The following NRXN1 variants were observed in gnomAD, a reference collection of about 807,000 sequenced individuals.
NRXN1 encodes neurexin-1.
NRXN1 carries 39 observed loss-of-function variants against 150.9 expected under a neutral mutation model. The ratio of observed to expected loss-of-function variants is 0.26; its 90% confidence interval spans 0.20 to 0.34. The LOEUF (loss-of-function observed/expected upper bound fraction) is 0.34. NRXN1 is among the 10% of genes least tolerant of loss of function. The pLI is 1.00. For missense variants in NRXN1, 1,815 were observed against 1,949.9 expected, an observed-to-expected ratio of 0.93 and a Z score of 1.30; for synonymous variants, 924 against 757.0, an observed-to-expected ratio of 1.22 and a Z score of -3.62.
chr2:50,500,275 A>G (rs868031228), intron 13 of NRXN1, among the ~76,000 whole-genome samples: 1 of 152,180 alleles, frequency 6.6e-6, no homozygotes, highest in African/African-American at 2.4e-5. Flanking sequence ...AAGGAATAGA[A>G]TATGCACACA....
At chr2:50,496,568 G>C (rs764549009) in intron 14 of NRXN1, among the ~76,000 whole-genome samples, 1 of 152,150 alleles carries the variant, frequency 6.6e-6, no homozygotes, top group Non-Finnish European at 1.5e-5. Flanking sequence ...TTTACCTGAA[G>C]AGTCTCCTGA....
rs1553368961 is a variant in NRXN1, at chr2:50,278,317, T to TTA, written c.3365-41349_3365-41348dup. Among the ~76,000 whole-genome samples the TTA allele has an allele frequency of 9.0e-3, 1,118 of 124,070 alleles. 24 individuals are homozygous for TTA. The highest frequency in any genetic ancestry group is 0.032 in the African/African-American group (1,017 of 31,798). 81.4% of individuals were successfully genotyped at this position (124,070 alleles called of 152,430 possible). A position where few individuals can be genotyped will look rare whatever the true frequency, so the allele number is the denominator to read the frequency against. On this transcript the variant is annotated intron_variant, in intron 17 of 22. Coordinates refer to ENST00000401669, the MANE Select transcript of NRXN1 (RefSeq NM_001330078.2). Reference sequence around the variant, plus strand: ...ATATAATATATATTTTATATATATATTATATATATATATATTTAGTAGAGA... The same window carrying TTA: ...ATATAATATATATTTTATATATATATTATATATATATATATATTTAGTAGAGA...
intron 21 of NRXN1, among the ~76,000 whole-genome samples, chr2:49,977,792 G>T (rs1004388033): frequency 6.6e-6 from 1 of 152,200 alleles, no homozygotes; most frequent in Non-Finnish European, 1.5e-5. Context: ...AAGAATTAAA[G>T]TGAGAAATTA....
chr2:50,481,922 C>T (rs926103451), intron 15 of NRXN1, among the ~76,000 whole-genome samples: 5 of 145,562 alleles, frequency 3.4e-5, no homozygotes, highest in Admixed American at 6.7e-5. Context: ...CCCGCCACTA[C>T]GCCCGGCTAA....
chr2:50,667,491 T>C (rs1347383861), intron 5 of NRXN1, among the ~76,000 whole-genome samples: 1 of 151,962 alleles, frequency 6.6e-6, no homozygotes, highest in Non-Finnish European at 1.5e-5. Flanking sequence ...AGTAATGATA[T>C]GTTACTGGGC....
At chr2:49,947,656 A>G (rs1398980861) in intron 21 of NRXN1, among the ~76,000 whole-genome samples, 2 of 150,942 alleles carry the variant, frequency 1.3e-5, no homozygotes, top group African/African-American at 4.9e-5. Context: ...GCTACCACAC[A>G]ATGCCTAAAT....
chr2:49,928,006 G>A (rs1211344230), intron 22 of NRXN1, among the ~76,000 whole-genome samples: 2 of 151,900 alleles, frequency 1.3e-5, no homozygotes, highest in Non-Finnish European at 2.9e-5. Context: ...GCACACCAAG[G>A]ATAAAGTAAG....
chr2:50,682,756 C>T (rs1232925357), intron 5 of NRXN1, among the ~76,000 whole-genome samples: 4 of 152,004 alleles, frequency 2.6e-5, no homozygotes, highest in African/African-American at 9.7e-5. Context: ...CAGTACGTGT[C>T]ACATTCTAAA....
intron 18 of NRXN1, among the ~76,000 whole-genome samples, chr2:50,233,200 C>T (rs1286215960): frequency 6.6e-6 from 1 of 151,988 alleles, no homozygotes; most frequent in Non-Finnish European, 1.5e-5. Context: ...AATTGCTCTT[C>T]ACTTCATGTC....
chr2:50,497,732 A>G lies in NRXN1; in HGVS notation c.2498-18T>C. ...CATTTGACCTAAAAGAGAAGATAAT[A>G]TATGATTATTTTCTGTATCTGAAAG... On this transcript the variant is annotated intron_variant, in intron 13 of 22. Coordinates refer to ENST00000401669, the MANE Select transcript of NRXN1 (RefSeq NM_001330078.2). The G allele has an allele frequency of 6.3e-7, 1 of 1,576,574 alleles. No individual in the cohort carries two copies. The highest frequency in any genetic ancestry group is 8.6e-7 in the Non-Finnish European group (1 of 1,160,626).
At chr2:50,368,149 ATGT>A (rs1483396159) in intron 17 of NRXN1, among the ~76,000 whole-genome samples, 1 of 151,964 alleles carries the variant, frequency 6.6e-6, no homozygotes, top group Non-Finnish European at 1.5e-5. Flanking sequence ...TTTTGTGCAC[ATGT>A]TGTTCATGCA....
In NRXN1 at chr2:50,758,841, T is replaced by C. The variant is rs558680978; in HGVS notation, c.833-135226A>G. ...AATCACAATGCTACTGCTTCCAGGA[T>C]GACCAGGTAATGAGTGTGGTCTATC... On this transcript the variant is annotated intron_variant, in intron 5 of 22. Coordinates refer to ENST00000401669, the MANE Select transcript of NRXN1 (RefSeq NM_001330078.2). 7.2e-5 allele frequency among the ~76,000 whole-genome samples: 11 copies of C among 152,044 alleles called. No homozygotes were observed. In the South Asian group the frequency reaches 2.3e-3, roughly 32 times the overall value.
chr2:50,429,947 A>G (rs2084819718), intron 17 of NRXN1, among the ~76,000 whole-genome samples: 1 of 152,146 alleles, frequency 6.6e-6, no homozygotes, highest in South Asian at 2.1e-4. Context: ...AATTGCATTG[A>G]TTTACATATT....
intron 17 of NRXN1, among the ~76,000 whole-genome samples, chr2:50,463,448 G>A (rs1321662384): frequency 2.0e-5 from 3 of 151,734 alleles, no homozygotes; most frequent in Non-Finnish European, 4.4e-5. Flanking sequence ...TAATCAAAAT[G>A]CATGTATTCT....
chr2:50,534,674 T>A (rs1377661193), intron 10 of NRXN1, among the ~76,000 whole-genome samples: 2 of 152,208 alleles, frequency 1.3e-5, no homozygotes, highest in Admixed American at 1.3e-4. Flanking sequence ...GTAAAAGTCA[T>A]TATCATGTGT....
At chr2:50,259,260 T>C (rs1042597842) in intron 17 of NRXN1, among the ~76,000 whole-genome samples, 5 of 151,962 alleles carry the variant, frequency 3.3e-5, no homozygotes, top group Non-Finnish European at 7.4e-5. Flanking sequence ...TAGTCAACTT[T>C]ATCAAATTTT....
chr2:50,472,548 CA>C, intron 15 of NRXN1, 77 bp from the exon 16 acceptor site: 1 of 1,136,072 alleles, frequency 8.8e-7, no homozygotes, highest in Non-Finnish European at 1.2e-6. Context: ...GGAGAAAAAA[CA>C]GGGAGGTTTA....
At chr2:50,548,524 C>T (rs1420232890) in intron 9 of NRXN1, among the ~76,000 whole-genome samples, 8 of 151,966 alleles carry the variant, frequency 5.3e-5, no homozygotes, top group South Asian at 4.1e-4. Flanking sequence ...AATGATGCTG[C>T]TAATTTATTT....
At chr2:49,930,339 T>C (rs1001505834) in intron 22 of NRXN1, among the ~76,000 whole-genome samples, 1 of 152,150 alleles carries the variant, frequency 6.6e-6, no homozygotes, top group African/African-American at 2.4e-5. Context: ...GAAATATCTG[T>C]AGTACATATG....
Sources: allele counts gnomAD v4.1 joint callset (sites outside exome capture counted in the v4.1 genomes callset), GRCh38; gene constraint gnomAD v4.1.1; transcripts MANE v1.5; gene names NCBI Gene and HGNC (gene_info 2026-07-23, HGNC 2026-07-21).